IFNAR1: variants seen among roughly 807,000 people sequenced by gnomAD.
IFNAR1 encodes interferon alpha/beta receptor 1.
Under a neutral mutation model 62.1 loss-of-function variants are expected in IFNAR1, and 47 were observed. That is an observed-to-expected ratio of 0.76 (90% CI 0.60 to 0.97). The LOEUF (loss-of-function observed/expected upper bound fraction) is 0.97. Ranked by LOEUF, IFNAR1 falls within the 50% of genes least tolerant of loss-of-function variation. IFNAR1 has a pLI of 0.00. For missense variants in IFNAR1, 638 were observed against 654.5 expected, an observed-to-expected ratio of 0.97 and a Z score of 0.27; for synonymous variants, 219 against 226.9, an observed-to-expected ratio of 0.97 and a Z score of 0.31.
chr21:33,334,176 ATAAAG>A (rs904657578), intron 1 of IFNAR1, among the ~76,000 whole-genome samples: 2 of 152,246 alleles, frequency 1.3e-5, no homozygotes, highest in African/African-American at 4.8e-5. Context: ...ACCCAGATAT[ATAAAG>A]TAAATATTAC....
chr21:33,331,255 A>G (rs962647773), intron 1 of IFNAR1, among the ~76,000 whole-genome samples: 2 of 152,188 alleles, frequency 1.3e-5, no homozygotes, highest in Non-Finnish European at 2.9e-5. Flanking sequence ...CACCCAGAGC[A>G]GTCATGCACC....
chr21:33,325,224 G>GC (rs952322697), intron 1 of IFNAR1, 93 bp downstream of exon 1: 62 of 1,096,454 alleles, frequency 5.7e-5, no homozygotes, highest in Non-Finnish European at 7.7e-5. Context: ...GGCGACAGAC[G>GC]CCCAGTCTGG....
chr21:33,347,363 C>T (rs1042021922), intron 6 of IFNAR1, among the ~76,000 whole-genome samples: 1 of 152,202 alleles, frequency 6.6e-6, no homozygotes, highest in Admixed American at 6.5e-5. Flanking sequence ...CTCCTGACTT[C>T]AGGTGATCCA....
chr21:33,325,275 G>A, intron 1 of IFNAR1, 144 bp downstream of exon 1: 1 of 713,346 alleles, frequency 1.4e-6, no homozygotes, highest in Non-Finnish European at 2.4e-6. Flanking sequence ...GATTAAACCC[G>A]ACCTGGGCTC....
chr21:33,327,517 G>T (rs1385296728), intron 1 of IFNAR1, among the ~76,000 whole-genome samples: 2 of 152,230 alleles, frequency 1.3e-5, no homozygotes, highest in African/African-American at 2.4e-5. Context: ...GGAGTGGGAA[G>T]TCAAATCCTG....
intron 8 of IFNAR1, 32 bp from the exon 9 acceptor site, chr21:33,352,726 A>T: frequency 7.7e-7 from 1 of 1,303,268 alleles, no homozygotes; most frequent in South Asian, 1.4e-5. Flanking sequence ...GAGGTGACTA[A>T]ATTTTATCAG....
intron 2 of IFNAR1, among the ~76,000 whole-genome samples, chr21:33,338,650 C>T (rs372650854): frequency 1.3e-5 from 2 of 151,518 alleles, no homozygotes; most frequent in East Asian, 1.9e-4. Flanking sequence ...TATTATGAAA[C>T]GGATTTCATG....
At chr21:33,335,221 T>C (rs1224474425) in intron 1 of IFNAR1, 6 of 459,954 alleles carry the variant, frequency 1.3e-5, no homozygotes, top group South Asian at 9.9e-5. Context: ...GACTCATCGG[T>C]GTCACTTCTA....
In IFNAR1 at chr21:33,349,483, G is replaced by T. The variant is rs977884960; in HGVS notation, c.1083G>T (p.Val361=). The T allele has an allele frequency of 3.4e-5, 55 of 1,611,418 alleles. No homozygotes were observed. In the Admixed American group the frequency reaches 8.5e-4, roughly 25 times the overall value. ...CAAAACAGTCTGGAAACACGCCTGT[G>T]ATCCAGGATTATCCACTGATTTATG... The part of the protein sequence containing the change: ...GAPKQSGNTP[V]IQDYPLIYEI... Residue 361 remains valine (V), a synonymous_variant, in exon 8 of 11, where the codon GTG becomes GTT. Transcript: ENST00000270139.
intron 3 of IFNAR1, among the ~76,000 whole-genome samples, chr21:33,342,713 CGG>C (rs1374726695): frequency 1.4e-5 from 2 of 146,606 alleles, no homozygotes; most frequent in African/African-American, 5.2e-5. Context: ...AAAAACTAGC[CGG>C]GCATGGTGGC....
In IFNAR1 at chr21:33,351,184, G is replaced by A. The variant is rs17875883; in HGVS notation, c.1144-1574G>A. Among the ~76,000 whole-genome samples the A allele has an allele frequency of 5.1e-3, 769 of 152,264 alleles. 7 individuals are homozygous for A. The highest frequency in any genetic ancestry group is 0.014 in the African/African-American group (581 of 41,550). On this transcript the variant is annotated intron_variant, in intron 8 of 10. Coordinates refer to ENST00000270139, the MANE Select transcript of IFNAR1 (RefSeq NM_000629.3). Reference sequence around the variant, plus strand: ...AGTCATTCTTCAAAACAACCCTGCCGGATTATGTGATTGGTTACATTGCTG... The same window carrying A: ...AGTCATTCTTCAAAACAACCCTGCCAGATTATGTGATTGGTTACATTGCTG...
At chr21:33,344,782 T>TTATTTG (rs1568930713) in intron 5 of IFNAR1, among the ~76,000 whole-genome samples, 1,674 of 150,418 alleles carry the variant, frequency 0.011, 39 homozygotes, top group African/African-American at 0.037. Flanking sequence ...ATTTATTTAT[T>TTATTTG]TATTTATTTA....
At position 33,356,066 on chromosome 21, in the gene IFNAR1, G is replaced by T. The variant is rs549171532; in HGVS notation, c.*517G>T. The T allele has an allele frequency of 2.0e-5, 3 of 152,294 alleles. No individual in the cohort carries two copies. The South Asian group carries it at 6.2e-4, about 32-fold the overall frequency. The allele number at this position is 152,294 out of a possible 1,614,324, so 9.4% of individuals were successfully genotyped here. ...ACGTTTCCTACATTCTTTTCCATGT[G>T]TAAAATCATGAAAAAGCCTGTCACC... On this transcript the variant is annotated 3_prime_UTR_variant, in exon 11 of 11. Transcript: ENST00000270139.
intron 9 of IFNAR1, among the ~76,000 whole-genome samples, 159 bp downstream of exon 9, chr21:33,353,067 T>C (rs2083414162): frequency 6.6e-6 from 1 of 152,248 alleles, no homozygotes; most frequent in South Asian, 2.1e-4. Flanking sequence ...AGTAGACTTT[T>C]TAGAAAATAT....
intron 3 of IFNAR1, among the ~76,000 whole-genome samples, chr21:33,341,426 A>C (rs940552943): frequency 2.6e-5 from 4 of 152,186 alleles, no homozygotes; most frequent in Non-Finnish European, 5.9e-5. Flanking sequence ...TGACAAATCT[A>C]AGACTTAGTT....
chr21:33,324,516 C>T (rs568264733), upstream of IFNAR1: 7 of 156,758 alleles, frequency 4.5e-5, no homozygotes, highest in South Asian at 9.6e-4. Flanking sequence ...GGTCAGCAAG[C>T]GCCCCGGGCG....
rs542588259 is a variant in IFNAR1, at chr21:33,357,154, A to G, written c.*1605A>G. On this transcript the variant is annotated 3_prime_UTR_variant, in exon 11 of 11. Coordinates refer to ENST00000270139, the MANE Select transcript of IFNAR1 (RefSeq NM_000629.3). Reference sequence around the variant, plus strand: ...TGGGAATTCTGGTGGCCTCTAGGGCAGTGTTCTCACAGCACCGTTCCGACA... The same window carrying G: ...TGGGAATTCTGGTGGCCTCTAGGGCGGTGTTCTCACAGCACCGTTCCGACA... 4.6e-5 allele frequency: 7 copies of G among 152,388 alleles called. No individual in the cohort carries two copies. In the East Asian group the frequency reaches 1.3e-3, roughly 29 times the overall value. The allele number at this position is 152,388 out of a possible 1,614,324, so 9.4% of individuals were successfully genotyped here.
intron 2 of IFNAR1, among the ~76,000 whole-genome samples, chr21:33,339,324 G>A (rs914553854): frequency 5.9e-5 from 9 of 152,126 alleles, no homozygotes; most frequent in Non-Finnish European, 1.2e-4. Context: ...CCTCAGATAT[G>A]TAAAAGTGGA....
intron 6 of IFNAR1, among the ~76,000 whole-genome samples, chr21:33,346,219 A>T (rs1439457967): frequency 6.6e-6 from 1 of 152,204 alleles, no homozygotes; most frequent in African/African-American, 2.4e-5. Context: ...AAAATGGGTT[A>T]TGGGGAGAAA....
Sources: allele counts gnomAD v4.1 joint callset (sites outside exome capture counted in the v4.1 genomes callset), GRCh38; gene constraint gnomAD v4.1.1; transcripts MANE v1.5; gene names NCBI Gene and HGNC (gene_info 2026-07-23, HGNC 2026-07-21).